Variants in ANO6 observed in about 807,000 individuals in gnomAD.
ANO6 encodes anoctamin-6.
Under a neutral mutation model 117.5 loss-of-function variants are expected in ANO6, and 106 were observed. The ratio of observed to expected loss-of-function variants is 0.90; its 90% CI spans 0.77 to 1.06. ANO6 has a LOEUF of 1.06. ANO6 is among the 50% of genes least tolerant of loss of function. The probability of loss-of-function intolerance (pLI) is 0.00; values close to 1 mark genes in which losing one functional copy is unlikely to be tolerated. For missense variants in ANO6, 955 were observed against 1,121.1 expected (o/e 0.85, Z 2.12); for synonymous variants, 367 against 385.1 (o/e 0.95, Z 0.55).
chr12:45,295,104 T>C (rs530149527), intron 1 of ANO6, among the ~76,000 whole-genome samples: 2 of 152,352 alleles, frequency 1.3e-5, no homozygotes, highest in East Asian at 3.9e-4. Context: ...AGCGCTCTTA[T>C]GATTCAAGTC....
chr12:45,218,328 A>C (rs1269101681), intron 1 of ANO6, among the ~76,000 whole-genome samples: 1 of 151,960 alleles, frequency 6.6e-6, no homozygotes, highest in African/African-American at 2.4e-5. Flanking sequence ...CAGTGAATGA[A>C]AAGATATGCT....
intron 1 of ANO6, among the ~76,000 whole-genome samples, chr12:45,293,469 T>G (rs1433382905): frequency 6.6e-6 from 1 of 152,092 alleles, no homozygotes; most frequent in Non-Finnish European, 1.5e-5. Context: ...TTCTGTTCAA[T>G]GTGAGCTGCA....
At chr12:45,362,239 A>G (rs1941574654) in intron 8 of ANO6, among the ~76,000 whole-genome samples, 1 of 152,008 alleles carries the variant, frequency 6.6e-6, no homozygotes, top group South Asian at 2.1e-4. Context: ...TTTTTCTAGG[A>G]ATTCTTCCAT....
intron 3 of ANO6, among the ~76,000 whole-genome samples, chr12:45,332,633 A>C (rs1310831409): frequency 1.3e-5 from 2 of 152,178 alleles, no homozygotes; most frequent in East Asian, 3.9e-4. Flanking sequence ...ACACAAAAAC[A>C]GAGTGTTTAT....
chr12:45,309,259 T>C (rs931531722), intron 2 of ANO6, among the ~76,000 whole-genome samples: 3 of 151,936 alleles, frequency 2.0e-5, no homozygotes, highest in African/African-American at 7.2e-5. Context: ...AGGACACACA[T>C]TGGAGAGGAA....
intron 15 of ANO6, among the ~76,000 whole-genome samples, chr12:45,406,897 T>A (rs963919598): frequency 2.0e-5 from 3 of 152,222 alleles, no homozygotes; most frequent in African/African-American, 7.2e-5. Context: ...AAAGTGCTTC[T>A]CACCATGTTT....
intron 1 of ANO6, among the ~76,000 whole-genome samples, chr12:45,264,170 A>G (rs2137218684): frequency 6.6e-6 from 1 of 152,338 alleles, no homozygotes; most frequent in South Asian, 2.1e-4. Context: ...TGTTGTCTTC[A>G]GGCTTTATTC....
intron 10 of ANO6, among the ~76,000 whole-genome samples, chr12:45,384,722 TATCAC>T (rs1942251299): frequency 1.3e-5 from 2 of 152,292 alleles, no homozygotes; most frequent in South Asian, 4.2e-4. Context: ...AAAGATCACT[TATCAC>T]AGACCACTAT....
chr12:45,423,355 A>G (rs947366227), intron 19 of ANO6, among the ~76,000 whole-genome samples: 1 of 152,212 alleles, frequency 6.6e-6, no homozygotes, highest in Admixed American at 6.5e-5. Flanking sequence ...GAAAGGGCTT[A>G]TGCAAGATGG....
At chr12:45,314,646 G>T (rs1490157558) in intron 2 of ANO6, among the ~76,000 whole-genome samples, 1 of 151,710 alleles carries the variant, frequency 6.6e-6, no homozygotes, top group Non-Finnish European at 1.5e-5. Flanking sequence ...CTACATTTTG[G>T]GAGGTACTGA....
intron 1 of ANO6, among the ~76,000 whole-genome samples, chr12:45,240,761 C>G (rs567247335): frequency 6.6e-6 from 1 of 152,216 alleles, no homozygotes; most frequent in South Asian, 2.1e-4. Flanking sequence ...GACAAAATGT[C>G]TCAGCATTTG....
chr12:45,292,718 G>A (rs1939142776), intron 1 of ANO6: 2 of 1,383,076 alleles, frequency 1.4e-6, no homozygotes, highest in Non-Finnish European at 1.9e-6. Context: ...TAGGGGAAGA[G>A]TTCATAAGCA....
chr12:45,322,128 G>C (rs1940298739), intron 2 of ANO6, among the ~76,000 whole-genome samples: 2 of 152,066 alleles, frequency 1.3e-5, no homozygotes, highest in Admixed American at 6.6e-5. Flanking sequence ...TTATGAAAAT[G>C]GTTTTGATCT....
intron 13 of ANO6, among the ~76,000 whole-genome samples, chr12:45,402,507 T>C (rs944500384): frequency 6.6e-6 from 1 of 152,212 alleles, no homozygotes; most frequent in Non-Finnish European, 1.5e-5. Flanking sequence ...GGCAGCTGTT[T>C]AGTGGCCAAG....
chr12:45,280,879 TAGAG>T (rs1555164646), intron 1 of ANO6, among the ~76,000 whole-genome samples: 47 of 149,956 alleles, frequency 3.1e-4, no homozygotes, highest in African/African-American at 1.0e-3. Flanking sequence ...TATATATATA[TAGAG>T]AGAGAGAGAG....
Position 45,367,704 on chromosome 12 carries a change from C to T in ANO6, c.1015C>T (p.Pro339Ser). Residue 339 changes from proline (P) to serine (S), a missense_variant, in exon 9 of 20, where the codon CCT becomes TCT. Physicochemically the swap from Pro to Ser is moderately conservative, Grantham distance 74 (BLOSUM62 -1). Coordinates refer to ENST00000320560, the MANE Select transcript of ANO6 (RefSeq NM_001025356.3). ...NCTWSKEVCH[P>S]DIGGKIIMCP... is the part of the protein sequence containing the mutation. ...TCTTTTTAGCAAAGAAGTTTGTCAT[C>T]CTGATATTGGTGGCAAGATCATAAT... 6.2e-7 allele frequency: 1 copy of T among 1,612,720 alleles called. No homozygotes were observed. The highest frequency in any genetic ancestry group is 8.5e-7 in the Non-Finnish European group (1 of 1,179,384).
intron 1 of ANO6, among the ~76,000 whole-genome samples, chr12:45,242,490 C>T (rs1947761176): frequency 6.6e-6 from 1 of 152,356 alleles, no homozygotes; most frequent in East Asian, 1.9e-4. Flanking sequence ...TGGCTTCCCT[C>T]GACTAGGAAA....
chr12:45,390,374 T>C lies in ANO6; in HGVS notation c.1309-47T>C, dbSNP rs191458526. 6 of 1,398,164 alleles carry C rather than the reference T, an allele frequency of 4.3e-6. No homozygotes were observed. In the African/African-American group the frequency reaches 7.1e-5, roughly 16 times the overall value. The allele number at this position is 1,398,164 out of a possible 1,614,324, so 86.6% of individuals were successfully genotyped here. On this transcript the variant is annotated intron_variant, in intron 11 of 19. Coordinates refer to ENST00000320560, the MANE Select transcript of ANO6 (RefSeq NM_001025356.3). The stretch of plus-strand genomic sequence containing the variant: ...GCGAGTCAGGAGAAAAATAATTTTA[T>C]TACAGTAATCCCTTGATTGACTAAA...
At chr12:45,398,153 C>G (rs919915820) in intron 12 of ANO6, among the ~76,000 whole-genome samples, 2 of 152,088 alleles carry the variant, frequency 1.3e-5, no homozygotes, top group Non-Finnish European at 2.9e-5. Flanking sequence ...AACAATAGGG[C>G]AAACAAGAGG....
Sources: allele counts gnomAD v4.1 joint callset (sites outside exome capture counted in the v4.1 genomes callset), GRCh38; gene constraint gnomAD v4.1.1; transcripts MANE v1.5; gene names NCBI Gene and HGNC (gene_info 2026-07-23, HGNC 2026-07-21).